The following SPEF2 variants were observed in gnomAD, a reference collection of about 807,000 sequenced individuals.
SPEF2 encodes sperm flagellar and cilia associated 2, also known as sperm flagella and cilia-associated protein 2.
Under a neutral mutation model 224.6 loss-of-function variants are expected in SPEF2, and 187 were observed. That is an observed-to-expected ratio of 0.83 (90% confidence interval 0.74 to 0.94). SPEF2 has a LOEUF of 0.94. Among genes scored for constraint, SPEF2 ranks in the 40% least tolerant of loss-of-function variants. SPEF2 has a pLI of 0.00. For synonymous variants in SPEF2, 715 were observed against 707.3 expected (o/e 1.01, Z -0.17); for missense variants, 2,170 against 2,135.6 (o/e 1.02, Z -0.32).
chr5:35,810,641 C>G (rs1034582943), intron 36 of SPEF2, among the ~76,000 whole-genome samples: 2 of 152,160 alleles, frequency 1.3e-5, no homozygotes, highest in South Asian at 4.2e-4. Flanking sequence ...GGCCCTACCC[C>G]CTGTATTCCA....
chr5:35,799,019 T>C (rs1250196598), intron 33 of SPEF2, among the ~76,000 whole-genome samples: 1 of 152,230 alleles, frequency 6.6e-6, no homozygotes, highest in East Asian at 1.9e-4. Context: ...TAAGGGTTTT[T>C]GGTAACAAAT....
chr5:35,771,875 T>C (rs939911438), intron 27 of SPEF2, 119 bp downstream of exon 27: 3 of 1,209,756 alleles, frequency 2.5e-6, no homozygotes, highest in Admixed American at 5.8e-5. Context: ...TCATTAGGTT[T>C]AAACTAGAGA....
intron 34 of SPEF2, 132 bp downstream of exon 34, chr5:35,800,279 AC>A (rs1369388172): frequency 1.1e-6 from 1 of 947,562 alleles, no homozygotes; most frequent in Non-Finnish European, 1.5e-6. Flanking sequence ...CTTTACACAT[AC>A]TAGGTCTTCA....
chr5:35,665,249 G>A (rs1444316888), intron 8 of SPEF2, among the ~76,000 whole-genome samples: 1 of 151,974 alleles, frequency 6.6e-6, no homozygotes, highest in African/African-American at 2.4e-5. Context: ...TAGAGTCCAG[G>A]CTCATAACCA....
chr5:35,713,464 A>C (rs969000968), intron 20 of SPEF2, among the ~76,000 whole-genome samples: 1 of 151,950 alleles, frequency 6.6e-6, no homozygotes, highest in Non-Finnish European at 1.5e-5. Context: ...AGCTGGGCGC[A>C]GTGGCTCATG....
chr5:35,804,105 G>C (rs2149865086), intron 34 of SPEF2, among the ~76,000 whole-genome samples: 1 of 152,292 alleles, frequency 6.6e-6, no homozygotes, highest in East Asian at 1.9e-4. Context: ...TGAGGCCCTG[G>C]GGTAGAAACA....
intron 2 of SPEF2, among the ~76,000 whole-genome samples, chr5:35,635,392 T>TTACC (rs1320267926): frequency 2.0e-5 from 3 of 152,174 alleles, no homozygotes; most frequent in Non-Finnish European, 4.4e-5. Flanking sequence ...CACTAGCTGG[T>TTACC]AGTGCTTGCA....
At chr5:35,794,341 T>C (rs1400315879) in intron 32 of SPEF2, among the ~76,000 whole-genome samples, 1 of 152,192 alleles carries the variant, frequency 6.6e-6, no homozygotes, top group Admixed American at 6.5e-5. Flanking sequence ...CTCACATGAA[T>C]TTCACCAATC....
intron 3 of SPEF2, chr5:35,643,366 G>A (rs990890691): frequency 2.6e-6 from 1 of 388,330 alleles, no homozygotes; most frequent in Non-Finnish European, 5.1e-6. Context: ...GATATGGATT[G>A]CAGTGAGTTG....
At chr5:35,703,334 C>T (rs1739069973) in intron 16 of SPEF2, among the ~76,000 whole-genome samples, 1 of 152,066 alleles carries the variant, frequency 6.6e-6, no homozygotes, top group African/African-American at 2.4e-5. Flanking sequence ...TTGAAGTGTT[C>T]ATTCATGCAG....
intron 30 of SPEF2, among the ~76,000 whole-genome samples, chr5:35,787,417 A>G (rs1191999457): frequency 6.6e-6 from 1 of 152,178 alleles, no homozygotes; most frequent in Non-Finnish European, 1.5e-5. Context: ...AGAAAATTTT[A>G]GCTAAAAGCC....
At position 35,714,051 on chromosome 5, in the gene SPEF2, A is replaced by G. The variant is rs747868991; in HGVS notation, c.2914+1165A>G. On this transcript the variant is annotated intron_variant, in intron 20 of 36. Coordinates refer to ENST00000356031, the MANE Select transcript of SPEF2 (RefSeq NM_024867.4). ...TATATATTTTATATACAGTATATAT[A>G]TTTTATATAGTATATATTTTATATA... 1.7e-3 allele frequency among the ~76,000 whole-genome samples: 7 copies of G among 4,236 alleles called. 2 individuals carry two copies. Among genetic ancestry groups the G allele is most frequent in the South Asian group, 8.6e-3 (1 of 116 alleles). The allele number at this position is 4,236 out of a possible 152,430, so 2.8% of individuals were successfully genotyped here.
chr5:35,727,617 C>T lies in SPEF2; in HGVS notation c.2915-58C>T, dbSNP rs1183956148. 3.5e-6 allele frequency: 5 copies of T among 1,428,886 alleles called. No homozygotes were observed. The South Asian group carries it at 3.8e-5, about 11-fold the overall frequency. 88.5% of individuals were successfully genotyped at this position (1,428,886 alleles called of 1,614,324 possible). A position where few individuals can be genotyped will look rare whatever the true frequency, so the allele number is the denominator to read the frequency against. ...TGGTAATTATAGATGTATTCATCTACCAGAATTCTGTCCCATTCATTTACT... is the reference window on the plus strand; with the variant it reads ...TGGTAATTATAGATGTATTCATCTATCAGAATTCTGTCCCATTCATTTACT... On this transcript the variant is annotated intron_variant, in intron 20 of 36. Coordinates refer to ENST00000356031, the MANE Select transcript of SPEF2 (RefSeq NM_024867.4).
At position 35,739,753 on chromosome 5, in the gene SPEF2, G is replaced by T. The variant is rs114224160; in HGVS notation, c.3064-166G>T. Among the ~76,000 whole-genome samples, 1,385 of 152,270 alleles carry T rather than the reference G, an allele frequency of 9.1e-3. 18 individuals are homozygous for T. Among genetic ancestry groups the T allele is most frequent in the African/African-American group, 0.032 (1,349 of 41,542 alleles). ...GGATTATTTGGAATATGAATTTGCTGGAGTGGGAGGCGTGTGAGAGAAGAG... is the reference window on the plus strand; with the variant it reads ...GGATTATTTGGAATATGAATTTGCTTGAGTGGGAGGCGTGTGAGAGAAGAG... On this transcript the variant is annotated intron_variant, in intron 21 of 36. Coordinates refer to ENST00000356031, the MANE Select transcript of SPEF2 (RefSeq NM_024867.4).
At chr5:35,637,466 C>G (rs286441) in intron 2 of SPEF2, among the ~76,000 whole-genome samples, 12 of 152,110 alleles carry the variant, frequency 7.9e-5, no homozygotes, top group African/African-American at 2.7e-4. Context: ...GAAGCTGCAC[C>G]TGTGTTATAA....
chr5:35,720,627 ATAACT>A (rs1176115601), intron 20 of SPEF2, among the ~76,000 whole-genome samples: 13 of 152,238 alleles, frequency 8.5e-5, no homozygotes, highest in African/African-American at 2.9e-4. Flanking sequence ...ACGGTTTTCA[ATAACT>A]TAACATAACA....
intron 24 of SPEF2, among the ~76,000 whole-genome samples, chr5:35,758,891 G>T (rs1222067212): frequency 1.0e-4 from 15 of 150,168 alleles, no homozygotes; most frequent in African/African-American, 3.2e-4. Flanking sequence ...CTGTAAACCC[G>T]GCTACTCAGG....
rs1448363774 is a variant in SPEF2, at chr5:35,747,596, T to A, written c.3331-6028T>A. 2.6e-5 allele frequency among the ~76,000 whole-genome samples: 4 copies of A among 152,284 alleles called. No individual in the cohort carries two copies. In the East Asian group the frequency reaches 7.7e-4, roughly 29 times the overall value. ...AGTTAAAAGAGACAAAGAGGGACATTATATAACGGTAAAAGGCCTTGTGCA... is the reference window on the plus strand; with the variant it reads ...AGTTAAAAGAGACAAAGAGGGACATAATATAACGGTAAAAGGCCTTGTGCA... On this transcript the variant is annotated intron_variant, in intron 23 of 36. Coordinates refer to ENST00000356031, the MANE Select transcript of SPEF2 (RefSeq NM_024867.4).
chr5:35,670,415 T>C, intron 10 of SPEF2, 188 bp downstream of exon 10: 1 of 1,268,892 alleles, frequency 7.9e-7, no homozygotes, highest in East Asian at 3.4e-5. Context: ...AGCTATTATC[T>C]ATTGTTCCTA....
Sources: allele counts gnomAD v4.1 joint callset (sites outside exome capture counted in the v4.1 genomes callset), GRCh38; gene constraint gnomAD v4.1.1; transcripts MANE v1.5; gene names NCBI Gene and HGNC (gene_info 2026-07-23, HGNC 2026-07-21).